Variants in EFNA5 observed in about 807,000 individuals in gnomAD.
The protein encoded by EFNA5 is ephrin-A5.
In EFNA5, 5 loss-of-function variants were observed where a neutral mutation model predicts 22.9. The ratio of observed to expected loss-of-function variants is 0.22; its 90% CI spans 0.11 to 0.46. The LOEUF is 0.46. Ranked by LOEUF, EFNA5 falls within the 20% of genes least tolerant of loss-of-function variation. EFNA5 has a pLI of 0.99. For missense variants in EFNA5, 237 were observed against 293.3 expected (o/e 0.81, Z 1.40); for synonymous variants, 113 against 112.2 (o/e 1.01, Z -0.04).
chr5:107,646,847 T>C (rs1179775582), intron 1 of EFNA5, among the ~76,000 whole-genome samples: 2 of 152,136 alleles, frequency 1.3e-5, no homozygotes, highest in African/African-American at 2.4e-5. Flanking sequence ...AGCTTCATTG[T>C]ATGGGATTTT....
intron 1 of EFNA5, among the ~76,000 whole-genome samples, chr5:107,645,136 T>C (rs1022313730): frequency 2.0e-5 from 3 of 152,236 alleles, no homozygotes; most frequent in Non-Finnish European, 2.9e-5. Flanking sequence ...GCATTAGTTA[T>C]TTAGAGTCAA....
In EFNA5 at chr5:107,549,484, C is replaced by T. The variant is rs188346360; in HGVS notation, c.125+121005G>A. On this transcript the variant is annotated intron_variant, in intron 1 of 4. Transcript: ENST00000333274. ...TTAATAAGTAGCAGCTTGTTAGTCC[C>T]CTCGAACAGACTAAGAGAGAAGTAT... Among the ~76,000 whole-genome samples, 66 of 152,272 alleles carry T rather than the reference C, an allele frequency of 4.3e-4. 1 individual carries two copies. In the South Asian group the frequency reaches 4.6e-3, roughly 11 times the overall value.
intron 2 of EFNA5, among the ~76,000 whole-genome samples, chr5:107,412,168 T>G (rs984468439): frequency 1.2e-4 from 18 of 152,206 alleles, no homozygotes; most frequent in Admixed American, 9.2e-4. Context: ...TTTGGGCGAC[T>G]TATTGATTAA....
intron 1 of EFNA5, among the ~76,000 whole-genome samples, chr5:107,493,180 T>C (rs1339978194): frequency 6.6e-6 from 1 of 152,010 alleles, no homozygotes; most frequent in Non-Finnish European, 1.5e-5. Context: ...GTTCACTTTC[T>C]AGAGCAAACA....
At chr5:107,400,502 T>C (rs1239485681) in intron 2 of EFNA5, among the ~76,000 whole-genome samples, 2 of 152,188 alleles carry the variant, frequency 1.3e-5, no homozygotes, top group African/African-American at 2.4e-5. Flanking sequence ...TCCCTACTAG[T>C]ATAACTGACA....
At chr5:107,621,025 G>A (rs545520881) in intron 1 of EFNA5, among the ~76,000 whole-genome samples, 1 of 152,304 alleles carries the variant, frequency 6.6e-6, no homozygotes, top group Admixed American at 6.5e-5. Context: ...GTAGTGGATG[G>A]GAGGACAATG....
intron 1 of EFNA5, among the ~76,000 whole-genome samples, chr5:107,627,605 C>T (rs1750168116): frequency 1.5e-5 from 2 of 132,838 alleles, no homozygotes; most frequent in Non-Finnish European, 3.1e-5. Context: ...CATTGCACTC[C>T]AACCTGGGTG....
intron 1 of EFNA5, among the ~76,000 whole-genome samples, chr5:107,549,075 A>G (rs772574768): frequency 3.9e-5 from 6 of 152,148 alleles, no homozygotes; most frequent in African/African-American, 7.2e-5. Context: ...TTTCTATGCA[A>G]TCTAGCTCTA....
chr5:107,600,588 G>A (rs375558129), intron 1 of EFNA5, among the ~76,000 whole-genome samples: 2 of 151,992 alleles, frequency 1.3e-5, no homozygotes, highest in East Asian at 3.9e-4. Flanking sequence ...CCAGGTTCAA[G>A]TGATTCTCAT....
At chr5:107,605,297 T>C (rs1032108022) in intron 1 of EFNA5, among the ~76,000 whole-genome samples, 2 of 152,146 alleles carry the variant, frequency 1.3e-5, no homozygotes, top group Admixed American at 6.5e-5. Context: ...CTCTCTTGAC[T>C]GTGCATGATG....
At chr5:107,417,703 G>A (rs936822966) in intron 2 of EFNA5, among the ~76,000 whole-genome samples, 6 of 152,218 alleles carry the variant, frequency 3.9e-5, no homozygotes, top group East Asian at 1.9e-4. Flanking sequence ...TGAGAGCTTC[G>A]GAGCCTAGAG....
chr5:107,435,508 C>T (rs152608), intron 1 of EFNA5, among the ~76,000 whole-genome samples: 35,932 of 151,786 alleles, frequency 0.24, 4,562 homozygotes, highest in East Asian at 0.53. Flanking sequence ...GGTAATCAAC[C>T]TCAATGTTCA....
At chr5:107,632,252 T>A (rs1750270713) in intron 1 of EFNA5, among the ~76,000 whole-genome samples, 2 of 152,202 alleles carry the variant, frequency 1.3e-5, no homozygotes, top group Non-Finnish European at 2.9e-5. Flanking sequence ...TTCTCCTCAC[T>A]TGCTTTCCGC....
At chr5:107,482,856 CTCTCTCTCTCTCTCTATATATATATA>C (rs1750518543) in intron 1 of EFNA5, among the ~76,000 whole-genome samples, 11 of 75,418 alleles carry the variant, frequency 1.5e-4, no homozygotes, top group Non-Finnish European at 2.3e-4. Flanking sequence ...CTCTCTCTCT[CTCTCTCTCTCTCTCTATATATATATA>C]TATATATATA....
intron 1 of EFNA5, among the ~76,000 whole-genome samples, chr5:107,586,348 A>C (rs1225981937): frequency 1.3e-5 from 2 of 152,226 alleles, no homozygotes; most frequent in African/African-American, 4.8e-5. Context: ...TGGTAAACAA[A>C]TCTCCATCCC....
At chr5:107,550,910 T>C (rs1168436931) in intron 1 of EFNA5, among the ~76,000 whole-genome samples, 1 of 152,126 alleles carries the variant, frequency 6.6e-6, no homozygotes, top group African/African-American at 2.4e-5. Context: ...AACTATAAAT[T>C]TGGTAATTTT....
At chr5:107,484,234 C>G (rs531108879) in intron 1 of EFNA5, among the ~76,000 whole-genome samples, 2 of 152,264 alleles carry the variant, frequency 1.3e-5, no homozygotes, top group South Asian at 4.1e-4. Flanking sequence ...TGCTCTCTCC[C>G]AAGGTTAATG....
intron 1 of EFNA5, among the ~76,000 whole-genome samples, chr5:107,580,694 C>A (rs1749026459): frequency 7.2e-6 from 1 of 139,372 alleles, no homozygotes; most frequent in Non-Finnish European, 1.5e-5. Context: ...TACACTCCAG[C>A]CTGGGCAAAA....
At chr5:107,500,377 T>C (rs189449643) in intron 1 of EFNA5, among the ~76,000 whole-genome samples, 1 of 152,376 alleles carries the variant, frequency 6.6e-6, no homozygotes, top group Admixed American at 6.5e-5. Flanking sequence ...CTTCTTTCTG[T>C]TGCTCTTTAC....
Sources: gnomAD v4.1 joint callset for allele counts (sites outside exome capture counted in the v4.1 genomes callset) on GRCh38, gnomAD v4.1.1 for gene constraint, MANE v1.5 for transcripts, NCBI Gene and HGNC (gene_info 2026-07-23, HGNC 2026-07-21) for gene names.